The following HS3ST3B1 variants were observed in gnomAD, a reference collection of about 807,000 sequenced individuals.
HS3ST3B1 encodes heparan sulfate-glucosamine 3-sulfotransferase 3B1, also known as heparan sulfate glucosamine 3-O-sulfotransferase 3B1.
Under a neutral mutation model 21.3 loss-of-function variants are expected in HS3ST3B1, and 13 were observed. The ratio of observed to expected loss-of-function variants is 0.61; its 90% CI spans 0.40 to 0.97. The LOEUF is 0.97. Among genes scored for constraint, HS3ST3B1 ranks in the 50% least tolerant of loss-of-function variants. The pLI is 0.00. For synonymous variants in HS3ST3B1, 234 were observed against 254.8 expected (o/e 0.92, Z 0.78); for missense variants, 459 against 554.8 (o/e 0.83, Z 1.73).
At chr17:14,312,728 C>T (rs1299429749) in intron 1 of HS3ST3B1, among the ~76,000 whole-genome samples, 1 of 151,792 alleles carries the variant, frequency 6.6e-6, no homozygotes, top group Non-Finnish European at 1.5e-5. Context: ...CTTTGTGCTG[C>T]CCCCCACAAC....
rs1219880623 is a variant in HS3ST3B1, at chr17:14,345,454, C to T, written c.981C>T (p.Tyr327=). 1.4e-6 allele frequency: 2 copies of T among 1,451,302 alleles called. No individual in the cohort carries two copies. Among genetic ancestry groups the T allele is most frequent in the African/African-American group, 2.8e-5 (2 of 70,848 alleles). The allele number at this position is 1,451,302 out of a possible 1,614,324, so 89.9% of individuals were successfully genotyped here. Residue 327 remains tyrosine (Y), a synonymous_variant, in exon 2 of 2, where the codon TAC becomes TAT. Transcript: ENST00000360954. ...LKRIITDKHF[Y]FNKTKGFPCL... ...GGATCATCACGGACAAGCACTTCTA[C>T]TTCAACAAGACCAAGGGCTTCCCCT...
rs552802366 is a variant in HS3ST3B1 at position 14,348,145 on chromosome 17, T to C, written c.*2499T>C. 3.9e-5 allele frequency: 6 copies of C among 152,192 alleles called. No homozygotes were observed. The highest frequency in any genetic ancestry group is 7.3e-5 in the Non-Finnish European group (5 of 68,038). The allele number at this position is 152,192 out of a possible 1,614,324, so 9.4% of individuals were successfully genotyped here. ...CAGAGAAGAGTATGCAACAAAGCCA[T>C]AGGAAAACACACAGGAGCTTTTCCC... On this transcript the variant is annotated 3_prime_UTR_variant, in exon 2 of 2. Transcript: ENST00000360954.
chr17:14,333,631 G>T (rs969422416), intron 1 of HS3ST3B1, among the ~76,000 whole-genome samples: 1 of 152,022 alleles, frequency 6.6e-6, no homozygotes, highest in Non-Finnish European at 1.5e-5. Flanking sequence ...GGGAGGAGTA[G>T]GGGATGTCTT....
chr17:14,343,052 G>A (rs1910435968), intron 1 of HS3ST3B1, among the ~76,000 whole-genome samples: 1 of 152,058 alleles, frequency 6.6e-6, no homozygotes, highest in African/African-American at 2.4e-5. Context: ...GACCATCCTG[G>A]CCAACATGGT....
chr17:14,317,435 C>T (rs1909533855), intron 1 of HS3ST3B1, among the ~76,000 whole-genome samples: 1 of 152,198 alleles, frequency 6.6e-6, no homozygotes, highest in South Asian at 2.1e-4. Flanking sequence ...TCAAAGAACT[C>T]ACCATTTTGG....
intron 1 of HS3ST3B1, among the ~76,000 whole-genome samples, chr17:14,332,213 G>T (rs540405664): frequency 8.7e-4 from 132 of 152,278 alleles, no homozygotes; most frequent in Admixed American, 2.9e-3. Flanking sequence ...GCTGTTTTTG[G>T]GGGGTGAATA....
intron 1 of HS3ST3B1, among the ~76,000 whole-genome samples, chr17:14,343,012 G>C (rs966903073): frequency 1.3e-5 from 2 of 152,222 alleles, no homozygotes; most frequent in Admixed American, 6.5e-5. Flanking sequence ...GGGAGGCCAA[G>C]GCGGGTGGAT....
At chr17:14,313,124 G>GTGTGTATATATATATATATA (rs1567637231) in intron 1 of HS3ST3B1, among the ~76,000 whole-genome samples, 31 of 128,798 alleles carry the variant, frequency 2.4e-4, no homozygotes, top group African/African-American at 9.2e-4. Flanking sequence ...ATATATATAT[G>GTGTGTATATATATATATATA]TGTGTGTGTG....
intron 1 of HS3ST3B1, among the ~76,000 whole-genome samples, chr17:14,335,191 G>A (rs1019275167): frequency 6.6e-6 from 1 of 151,956 alleles, no homozygotes; most frequent in African/African-American, 2.4e-5. Flanking sequence ...GCCCAGAAAG[G>A]CCCAGAAAAG....
intron 1 of HS3ST3B1, among the ~76,000 whole-genome samples, chr17:14,325,504 T>C (rs778983312): frequency 7.2e-5 from 11 of 152,198 alleles, no homozygotes; most frequent in Non-Finnish European, 1.5e-4. Flanking sequence ...TTTGTATATC[T>C]CTGGTCAAGA....
At chr17:14,338,885 C>T (rs551380260) in intron 1 of HS3ST3B1, among the ~76,000 whole-genome samples, 75 of 152,272 alleles carry the variant, frequency 4.9e-4, no homozygotes, top group African/African-American at 1.8e-3. Context: ...CTTGTCATCC[C>T]CAAATCTTAA....
At chr17:14,340,074 G>A (rs529900251) in intron 1 of HS3ST3B1, among the ~76,000 whole-genome samples, 4 of 152,230 alleles carry the variant, frequency 2.6e-5, no homozygotes, top group African/African-American at 9.6e-5. Context: ...ATGATTCTGT[G>A]CCAGGAGCCG....
In HS3ST3B1 at chr17:14,349,201, T is replaced by A. The variant is rs766782213; in HGVS notation, c.*3555T>A. Reference sequence around the variant, plus strand: ...CACTGAGTCTCATTCAACCAAGTAATCTAAAATACTGTGCAAATTCTAGCA... The same window carrying A: ...CACTGAGTCTCATTCAACCAAGTAAACTAAAATACTGTGCAAATTCTAGCA... On this transcript the variant is annotated 3_prime_UTR_variant, in exon 2 of 2. Coordinates refer to ENST00000360954, the MANE Select transcript of HS3ST3B1 (RefSeq NM_006041.3). 7 of 152,218 alleles carry A rather than the reference T, an allele frequency of 4.6e-5. No individual in the cohort carries two copies. The highest frequency in any genetic ancestry group is 8.8e-5 in the Non-Finnish European group (6 of 68,040). 9.4% of individuals were successfully genotyped at this position (152,218 alleles called of 1,614,324 possible).
chr17:14,319,211 C>A (rs1230166590), intron 1 of HS3ST3B1, among the ~76,000 whole-genome samples: 1 of 152,208 alleles, frequency 6.6e-6, no homozygotes, highest in Non-Finnish European at 1.5e-5. Context: ...CACATTCCCT[C>A]CGTAAACAGT....
intron 1 of HS3ST3B1, among the ~76,000 whole-genome samples, chr17:14,310,602 C>T (rs1909275427): frequency 6.6e-6 from 1 of 152,218 alleles, no homozygotes; most frequent in Non-Finnish European, 1.5e-5. Context: ...AGTACAATCT[C>T]CCTGGGGAGA....
At chr17:14,317,698 T>C (rs182158037) in intron 1 of HS3ST3B1, among the ~76,000 whole-genome samples, 9 of 151,830 alleles carry the variant, frequency 5.9e-5, no homozygotes, top group East Asian at 5.8e-4. Flanking sequence ...GTGCCTGGGA[T>C]TGGGGGAGAG....
intron 1 of HS3ST3B1, among the ~76,000 whole-genome samples, chr17:14,339,646 G>C (rs1465172706): frequency 6.6e-6 from 1 of 152,170 alleles, no homozygotes; most frequent in Non-Finnish European, 1.5e-5. Context: ...CGTTAAAGTA[G>C]GTGATAAAGC....
intron 1 of HS3ST3B1, among the ~76,000 whole-genome samples, chr17:14,336,571 A>T (rs1405804107): frequency 6.6e-6 from 1 of 152,088 alleles, no homozygotes; most frequent in Non-Finnish European, 1.5e-5. Context: ...AAGCCCTGGG[A>T]CCGCCATTCC....
intron 1 of HS3ST3B1, among the ~76,000 whole-genome samples, chr17:14,312,585 G>A (rs915200862): frequency 5.9e-5 from 9 of 151,848 alleles, no homozygotes; most frequent in Non-Finnish European, 1.0e-4. Flanking sequence ...CATGCCATCC[G>A]TGTGCCAACC....
Sources: gnomAD v4.1 joint callset for allele counts (sites outside exome capture counted in the v4.1 genomes callset) on GRCh38, gnomAD v4.1.1 for gene constraint, MANE v1.5 for transcripts, NCBI Gene and HGNC (gene_info 2026-07-23, HGNC 2026-07-21) for gene names.